COL6A2: variants seen among roughly 807,000 people sequenced by gnomAD.
COL6A2 encodes collagen alpha-2(VI) chain.
A neutral mutation model predicts 124.9 loss-of-function variants in COL6A2; 90 were observed. The observed-to-expected ratio is 0.72, with a 90% CI of 0.61 to 0.86. The LOEUF (loss-of-function observed/expected upper bound fraction) is 0.86. COL6A2 is among the 40% of genes least tolerant of loss of function. COL6A2 has a pLI of 0.00. For synonymous variants in COL6A2, 793 were observed against 618.2 expected (o/e 1.28, Z -4.19); for missense variants, 1,607 against 1,502.5 (o/e 1.07, Z -1.15).
rs368064647 is a variant in COL6A2 at position 46,112,501 on chromosome 21, G to A, written c.638G>A (p.Arg213His). The change falls in exon 3 of 28, where the codon CGC becomes CAC. Residue 213 changes from arginine (R) to histidine (H), a missense_variant. Arg to His is a conservative substitution (Grantham distance 29). Around this residue, in one of 3 missense-constraint regions of COL6A2, gnomAD observed 342 missense variants for 381.5 expected, o/e 0.90. Transcript: ENST00000300527. ...DIASTPHELY[R>H]NDYATMLPDS... ...GCCAGCACGCCGCACGAGCTCTACC[G>A]CAACGACTACGCCACCATGCTGCCC... is the stretch of plus-strand genomic sequence containing the variant. The A allele has an allele frequency of 3.5e-5, 57 of 1,611,566 alleles. No individual in the cohort carries two copies. The highest frequency in any genetic ancestry group is 4.1e-5 in the Non-Finnish European group (48 of 1,179,814).
intron 15 of COL6A2, 122 bp from the exon 16 acceptor site, chr21:46,120,393 G>C: frequency 1.3e-6 from 1 of 749,244 alleles, no homozygotes; most frequent in Non-Finnish European, 2.2e-6. Flanking sequence ...GGTCCCCCGG[G>C]ACAGACGGGG....
intron 5 of COL6A2, among the ~76,000 whole-genome samples, chr21:46,114,581 G>A (rs1186744212): frequency 1.3e-5 from 2 of 152,152 alleles, no homozygotes; most frequent in African/African-American, 4.8e-5. Flanking sequence ...AATGAGATAT[G>A]CCATTAAAAT....
chr21:46,127,058 G>C (rs912739570), intron 27 of COL6A2, among the ~76,000 whole-genome samples: 3 of 152,210 alleles, frequency 2.0e-5, no homozygotes, highest in African/African-American at 7.2e-5. Context: ...TGTGGCCCAC[G>C]TGGGTGTGAA....
rs550658904 is a variant in COL6A2, at chr21:46,110,025, C to T, written c.-27-1425C>T. Among the ~76,000 whole-genome samples, 13 of 152,338 alleles carry T rather than the reference C, an allele frequency of 8.5e-5. No individual in the cohort carries two copies. In the South Asian group the frequency reaches 1.4e-3, roughly 17 times the overall value. The stretch of plus-strand genomic sequence containing the variant: ...AAGGGGCAGGGATCCCACTTATCCC[C>T]GGCTCCTGCTGGCTCCGTGGAGCAT... On this transcript the variant is annotated intron_variant, in intron 1 of 27. Coordinates refer to ENST00000300527, the MANE Select transcript of COL6A2 (RefSeq NM_001849.4).
rs1398454998 is a variant in COL6A2 at position 46,116,987 on chromosome 21, C to T, written c.999+173C>T. Among the ~76,000 whole-genome samples, 2 of 151,968 alleles carry T rather than the reference C, an allele frequency of 1.3e-5. No individual in the cohort carries two copies. The highest frequency in any genetic ancestry group is 2.9e-5 in the Non-Finnish European group (2 of 67,988). On this transcript the variant is annotated intron_variant, in intron 10 of 27. Transcript: ENST00000300527. This position sits in a 1 kb window ranked among gnomAD's most constrained non-coding sequence, Gnocchi z 4.6. Reference sequence around the variant, plus strand: ...TCAGCTCCTGCCACATCCCACTGCCCCACCCAGGGCTTCACCAGCCTGCAT... The same window carrying T: ...TCAGCTCCTGCCACATCCCACTGCCTCACCCAGGGCTTCACCAGCCTGCAT...
chr21:46,127,778 C>T (rs1218892644), intron 27 of COL6A2, among the ~76,000 whole-genome samples: 1 of 152,186 alleles, frequency 6.6e-6, no homozygotes, highest in African/African-American at 2.4e-5. Flanking sequence ...GCTATGGCTT[C>T]CCCTCCACTC....
At chr21:46,124,770 C>A in intron 22 of COL6A2, 57 bp downstream of exon 22, 2 of 1,602,840 alleles carry the variant, frequency 1.2e-6, no homozygotes, top group Non-Finnish European at 1.7e-6. Context: ...CAACACACAC[C>A]CAAGCCTCGT....
chr21:46,128,041 T>G (rs1440665475), intron 27 of COL6A2, among the ~76,000 whole-genome samples: 1 of 152,190 alleles, frequency 6.6e-6, no homozygotes, highest in Non-Finnish European at 1.5e-5. Flanking sequence ...TGCACTTTTC[T>G]TTTCTCGTGA....
rs557446829 is a variant in COL6A2 at position 46,132,258 on chromosome 21, G to T, written c.2766G>T (p.Val922=). 9.3e-6 allele frequency: 15 copies of T among 1,605,756 alleles called. No homozygotes were observed. Among genetic ancestry groups the T allele is most frequent in the Non-Finnish European group, 1.3e-5 (15 of 1,178,262 alleles). The change falls in exon 28 of 28, where the codon GTG becomes GTT. Residue 922 remains valine (V), a synonymous_variant. Transcript: ENST00000300527. ...TCTCGCACGTGGGCGCAGGCGTGGTGCACGCCATCAATGCCATCGTGCGCA... is the reference window on the plus strand; with the variant it reads ...TCTCGCACGTGGGCGCAGGCGTGGTTCACGCCATCAATGCCATCGTGCGCA... ...NSFSHVGAGV[V]HAINAIVRSP...
intron 27 of COL6A2, among the ~76,000 whole-genome samples, chr21:46,127,948 G>A (rs1042854188): frequency 6.6e-6 from 1 of 152,258 alleles, no homozygotes; most frequent in African/African-American, 2.4e-5. Context: ...CCACCTGGCC[G>A]TGGTGTGTGG....
At chr21:46,117,038 T>G (rs914952696) in intron 10 of COL6A2, among the ~76,000 whole-genome samples, 1 of 152,074 alleles carries the variant, frequency 6.6e-6, no homozygotes, top group East Asian at 1.9e-4. Flanking sequence ...ACATCCCGGC[T>G]TGGGGCAGCT....
At chr21:46,122,642 G>A (rs989198142) in intron 20 of COL6A2, 111 bp downstream of exon 20, 1 of 1,289,732 alleles carries the variant, frequency 7.8e-7, no homozygotes, top group Non-Finnish European at 1.1e-6. Context: ...GTCTTGAGAT[G>A]GTCCTGGCTC....
intron 13 of COL6A2, 23 bp from the exon 14 acceptor site, chr21:46,119,007 T>G: frequency 6.4e-7 from 1 of 1,559,378 alleles, no homozygotes; most frequent in Non-Finnish European, 8.8e-7. Context: ...TCTGGGTGAC[T>G]GTGCTGTCCT....
intron 26 of COL6A2, 35 bp from the exon 27 acceptor site, chr21:46,126,468 C>CCTGA (rs1555876000): frequency 1.2e-6 from 2 of 1,611,464 alleles, no homozygotes; most frequent in South Asian, 2.2e-5. Context: ...TAGGGACTGA[C>CCTGA]CCTGGCCTGG....
In COL6A2 at chr21:46,132,214, A is replaced by C. The variant is rs758554126; in HGVS notation, c.2722A>C (p.Thr908Pro). The C allele has an allele frequency of 1.9e-6, 3 of 1,592,128 alleles. No homozygotes were observed. The African/African-American group carries it at 4.0e-5, about 21-fold the overall frequency. Residue 908 changes from threonine (T) to proline (P), a missense_variant, in exon 28 of 28, where the codon ACA becomes CCA. By Grantham distance (38) the Thr-to-Pro change is conservative. Transcript: ENST00000300527. ...LTAIHEALET[T>P]QYLNSFSHVG... ...GGCCATCCACGAGGCGCTGGAGACC[A>C]CACAATACCTGAACTCCTTCTCGCA...
At chr21:46,126,925 C>T (rs1010924551) in intron 27 of COL6A2, among the ~76,000 whole-genome samples, 6 of 152,254 alleles carry the variant, frequency 3.9e-5, no homozygotes, top group Admixed American at 3.9e-4. Context: ...GTGAGTGAAA[C>T]CATCCCGGGG....
intron 27 of COL6A2, among the ~76,000 whole-genome samples, 173 bp downstream of exon 27, chr21:46,126,714 G>C (rs2078675930): frequency 6.6e-6 from 1 of 152,204 alleles, no homozygotes; most frequent in Non-Finnish European, 1.5e-5. Flanking sequence ...CAGGGGAGGA[G>C]GGGCTTGGGG....
intron 11 of COL6A2, 55 bp from the exon 12 acceptor site, chr21:46,117,805 TTGGGCCCTGGCTCA>T (rs1462522860): frequency 6.6e-7 from 1 of 1,513,310 alleles, no homozygotes; most frequent in African/African-American, 1.4e-5. Context: ...AATGGAGCAC[TTGGGCCCTGGCTCA>T]TGGGGAGAAC....
In COL6A2 at chr21:46,126,077, G is replaced by A. The variant is rs768136170; in HGVS notation, c.2262G>A (p.Val754=). The A allele has an allele frequency of 1.9e-6, 3 of 1,612,844 alleles. No individual in the cohort carries two copies. Among genetic ancestry groups the A allele is most frequent in the Non-Finnish European group, 2.5e-6 (3 of 1,180,022 alleles). The change falls in exon 26 of 28, where the codon GTG becomes GTA. Residue 754 remains valine, a synonymous_variant. Transcript: ENST00000300527. ...CGCTGTGCGACCGCGACGTCACAGT[G>A]ACGGCCATCGGCATCGGGGACATGT... The part of the protein sequence containing the change: ...LRALCDRDVT[V]TAIGIGDMFH...
Sources: gnomAD v4.1 joint callset for allele counts (sites outside exome capture counted in the v4.1 genomes callset) on GRCh38, gnomAD v4.1.1 for gene constraint, gnomAD v4.1.1 regional missense constraint, Gnocchi (gnomAD v3.1) non-coding constraint, MANE v1.5 for transcripts, NCBI Gene and HGNC (gene_info 2026-07-23, HGNC 2026-07-21) for gene names.